ERG: variants seen among roughly 807,000 people sequenced by gnomAD.
The protein encoded by ERG is transcriptional regulator ERG.
ERG carries 9 observed loss-of-function variants against 55.3 expected under a neutral mutation model. The observed-to-expected ratio is 0.16, with a 90% CI of 0.10 to 0.28. The LOEUF (loss-of-function observed/expected upper bound fraction) is 0.28, where lower values mean the gene tolerates loss of function less well. Ranked by LOEUF, ERG falls within the 10% of genes least tolerant of loss-of-function variation. The pLI, the probability that ERG is intolerant of heterozygous loss-of-function variation, is 1.00. For synonymous variants in ERG, 223 were observed against 237.3 expected (o/e 0.94, Z 0.55); for missense variants, 434 against 631.6 (o/e 0.69, Z 3.35).
chr21:38,552,352 G>T (rs12482155), intron 2 of ERG, among the ~76,000 whole-genome samples: 69,046 of 151,848 alleles, frequency 0.45, 18,209 homozygotes, highest in Non-Finnish European at 0.61. Context: ...GTATCATTTT[G>T]ATACAGAAAC....
At chr21:38,591,552 C>A (rs1261960822) in intron 1 of ERG, among the ~76,000 whole-genome samples, 1 of 152,066 alleles carries the variant, frequency 6.6e-6, no homozygotes, top group Non-Finnish European at 1.5e-5. Context: ...ATTAGCCGGG[C>A]ATGGTGGTGG....
intron 1 of ERG, among the ~76,000 whole-genome samples, chr21:38,592,785 C>T (rs1193185571): frequency 1.3e-5 from 2 of 152,284 alleles, no homozygotes; most frequent in Non-Finnish European, 2.9e-5. Context: ...TCAAGGGTCT[C>T]CATGAATCAT....
chr21:38,453,965 T>C (rs899419169), intron 1 of ERG, among the ~76,000 whole-genome samples: 1 of 151,366 alleles, frequency 6.6e-6, no homozygotes, highest in East Asian at 1.9e-4. Flanking sequence ...GCAAAAAGTA[T>C]AAAAACATCT....
At chr21:38,453,551 C>A (rs1166302183) in intron 1 of ERG, among the ~76,000 whole-genome samples, 1 of 152,164 alleles carries the variant, frequency 6.6e-6, no homozygotes, top group African/African-American at 2.4e-5. Context: ...AAACAACATG[C>A]CTGTGATGTG....
At chr21:38,585,529 C>CTTTTTTTTTT (rs1568931635), upstream of ERG, among the ~76,000 whole-genome samples, 2 of 22,682 alleles carry the variant, frequency 8.8e-5, no homozygotes, top group Admixed American at 5.9e-4. Context: ...CCCTCTCTCT[C>CTTTTTTTTTT]TTCTTTTTTT....
Position 38,531,222 on chromosome 21 carries a change from T to A in ERG, c.-41+44440A>T, listed in dbSNP as rs193181992. On this transcript the variant is annotated intron_variant, in intron 2 of 8. Coordinates refer to the ERG transcript ENST00000398897. ...CAGAAGGAATGACAAGGCGTCATTA[T>A]TCAAAGTGACCTTCCCTCCATTGGA... is the stretch of plus-strand genomic sequence containing the variant. Among the ~76,000 whole-genome samples, 83 of 152,318 alleles carry A rather than the reference T, an allele frequency of 5.4e-4. 2 individuals carry two copies. The highest frequency in any genetic ancestry group is 2.0e-3 in the African/African-American group (82 of 41,566).
At chr21:38,415,218 T>G (rs567852206) in intron 3 of ERG, among the ~76,000 whole-genome samples, 1 of 152,340 alleles carries the variant, frequency 6.6e-6, no homozygotes, top group East Asian at 1.9e-4. Context: ...CTCTTAGCGT[T>G]CCTAGTTTTA....
chr21:38,499,272 A>C (rs1349535643), upstream of ERG, among the ~76,000 whole-genome samples: 1 of 152,174 alleles, frequency 6.6e-6, no homozygotes, highest in Non-Finnish European at 1.5e-5. Flanking sequence ...TCCTCATAGA[A>C]CTTTTGGCTA....
intron 2 of ERG, among the ~76,000 whole-genome samples, chr21:38,569,322 A>C: frequency 6.6e-6 from 1 of 152,234 alleles, no homozygotes; most frequent in Non-Finnish European, 1.5e-5. Flanking sequence ...GGACACACTC[A>C]ACTTGGAAAC....
intron 1 of ERG, among the ~76,000 whole-genome samples, chr21:38,610,881 G>A (rs1314062976): frequency 6.6e-6 from 1 of 152,180 alleles, no homozygotes; most frequent in Non-Finnish European, 1.5e-5. Flanking sequence ...TAGGCTTGAG[G>A]GGAGATTGAA....
At chr21:38,621,186 C>T (rs1277583281) in intron 1 of ERG, among the ~76,000 whole-genome samples, 1 of 152,110 alleles carries the variant, frequency 6.6e-6, no homozygotes, top group African/African-American at 2.4e-5. Flanking sequence ...AACAGACTAC[C>T]CCCTTCTGTG....
chr21:38,650,076 T>C (rs1449712009), intron 1 of ERG, among the ~76,000 whole-genome samples: 1 of 152,086 alleles, frequency 6.6e-6, no homozygotes, highest in Non-Finnish European at 1.5e-5. Context: ...GCCACACTTA[T>C]TTTATTTAGC....
intron 1 of ERG, among the ~76,000 whole-genome samples, chr21:38,611,430 C>T (rs1263229650): frequency 2.0e-5 from 3 of 152,048 alleles, no homozygotes; most frequent in African/African-American, 2.4e-5. Flanking sequence ...TTTCTGTGAC[C>T]TCATCTCCAC....
At chr21:38,385,513 T>C (rs1987653611) in intron 9 of ERG, among the ~76,000 whole-genome samples, 1 of 152,248 alleles carries the variant, frequency 6.6e-6, no homozygotes, top group Non-Finnish European at 1.5e-5. Context: ...TTATAAACTC[T>C]GCTTTGCATG....
chr21:38,435,613 A>T (rs898370797), intron 2 of ERG, among the ~76,000 whole-genome samples: 1 of 152,148 alleles, frequency 6.6e-6, no homozygotes, highest in African/African-American at 2.4e-5. Flanking sequence ...AAAATTAATT[A>T]AAAAGTCACC....
At chr21:38,431,069 A>G (rs1990184082) in intron 2 of ERG, among the ~76,000 whole-genome samples, 1 of 152,230 alleles carries the variant, frequency 6.6e-6, no homozygotes, top group Non-Finnish European at 1.5e-5. Flanking sequence ...CAGCAGTTGG[A>G]GAATTAAGTT....
At chr21:38,590,415 T>C (rs567608433) in intron 1 of ERG, among the ~76,000 whole-genome samples, 1 of 152,304 alleles carries the variant, frequency 6.6e-6, no homozygotes, top group South Asian at 2.1e-4. Context: ...GGAAAGAGTC[T>C]TTCACCTGTA....
Position 38,592,571 on chromosome 21 carries a change from C to CTGTGTGTGTGTG in ERG, c.-149-7638_-149-7627dup, listed in dbSNP as rs56195027. ...GGCTGCTTATTGTCATCTCCCTTCACTGTGTGTGTGTGTGTGTGTGTGTGT... is the reference window on the plus strand; with the variant it reads ...GGCTGCTTATTGTCATCTCCCTTCACTGTGTGTGTGTGTGTGTGTGTGTGTGTGTGTGTGTGT... On this transcript the variant is annotated intron_variant, in intron 1 of 10. Coordinates refer to the ERG transcript ENST00000398910. Among the ~76,000 whole-genome samples the CTGTGTGTGTGTG allele has an allele frequency of 3.0e-3, 437 of 148,094 alleles. 1 individual carries two copies. The highest frequency in any genetic ancestry group is 1.0e-2 in the African/African-American group (401 of 40,156).
chr21:38,511,409 T>C (rs2059510552), intron 2 of ERG, among the ~76,000 whole-genome samples: 1 of 152,192 alleles, frequency 6.6e-6, no homozygotes, highest in Non-Finnish European at 1.5e-5. Flanking sequence ...TACCTACAAA[T>C]ACAGCAATTA....
Sources: allele counts gnomAD v4.1 joint callset (sites outside exome capture counted in the v4.1 genomes callset), GRCh38; gene constraint gnomAD v4.1.1; transcripts MANE v1.5; gene names NCBI Gene and HGNC (gene_info 2026-07-23, HGNC 2026-07-21).